CSMD1: variants seen among roughly 807,000 people sequenced by gnomAD.
The protein encoded by CSMD1 is CUB and sushi domain-containing protein 1.
In CSMD1, 213 loss-of-function variants were observed where a neutral mutation model predicts 417.5. The ratio of observed to expected loss-of-function variants is 0.51; its 90% confidence interval spans 0.46 to 0.57. The LOEUF (loss-of-function observed/expected upper bound fraction) is 0.57. Among genes scored for constraint, CSMD1 ranks in the 20% least tolerant of loss-of-function variants. The pLI is 0.00. For synonymous variants in CSMD1, 2,862 were observed against 1,736.8 expected (o/e 1.65, Z -16.11); for missense variants, 6,923 against 4,529.7 (o/e 1.53, Z -15.17).
intron 7 of CSMD1, among the ~76,000 whole-genome samples, chr8:3,669,874 A>G (rs576893622): frequency 6.6e-6 from 1 of 152,288 alleles, no homozygotes; most frequent in African/African-American, 2.4e-5. Context: ...CCAGGTGATG[A>G]TCAAGCACCT....
At chr8:3,075,267 CT>C (rs111915115) in intron 49 of CSMD1, among the ~76,000 whole-genome samples, 72,610 of 142,990 alleles carry the variant, frequency 0.51, 19,448 homozygotes, top group Non-Finnish European at 0.58. Flanking sequence ...TTTTTCTTTT[CT>C]TTTCTTTCTT....
rs1378249986 is a variant in CSMD1 at position 4,890,953 on chromosome 8, A to G, written c.85+103379T>C. Among the ~76,000 whole-genome samples, 5 of 152,132 alleles carry G rather than the reference A, an allele frequency of 3.3e-5. No homozygotes were observed. In the East Asian group the frequency reaches 7.7e-4, roughly 24 times the overall value. ...CGCAAAGGCAGAGAATCCAAGGGAA[A>G]GTATTGGTGGTGTTTGATTTCATAG... On this transcript the variant is annotated intron_variant, in intron 1 of 69. Transcript: ENST00000635120.
At chr8:3,969,692 G>C (rs1157090227) in intron 5 of CSMD1, among the ~76,000 whole-genome samples, 1 of 152,152 alleles carries the variant, frequency 6.6e-6, no homozygotes, top group Non-Finnish European at 1.5e-5. Flanking sequence ...AGTGGACATG[G>C]TTCACACACC....
chr8:4,385,099 G>A (rs1195787985), intron 3 of CSMD1, among the ~76,000 whole-genome samples: 1 of 152,116 alleles, frequency 6.6e-6, no homozygotes, highest in African/African-American at 2.4e-5. Context: ...GCTAATTTTT[G>A]TATTTTTAGA....
intron 10 of CSMD1, among the ~76,000 whole-genome samples, chr8:3,523,772 CAT>C (rs1424901172): frequency 1.3e-5 from 2 of 151,936 alleles, no homozygotes; most frequent in African/African-American, 4.8e-5. Flanking sequence ...CATGCACACA[CAT>C]GCACACCCAG....
chr8:3,731,768 A>G (rs1055179375), intron 6 of CSMD1, among the ~76,000 whole-genome samples: 1 of 152,132 alleles, frequency 6.6e-6, no homozygotes, highest in Non-Finnish European at 1.5e-5. Context: ...ACCAATATTA[A>G]TGGTAACAGC....
chr8:3,820,115 G>C (rs1801643185), intron 5 of CSMD1, among the ~76,000 whole-genome samples: 1 of 152,182 alleles, frequency 6.6e-6, no homozygotes, highest in African/African-American at 2.4e-5. Context: ...TGCACTGCTT[G>C]AATGCAGTAT....
intron 10 of CSMD1, among the ~76,000 whole-genome samples, chr8:3,510,035 C>T (rs1796997754): frequency 6.6e-6 from 1 of 152,184 alleles, no homozygotes; most frequent in Non-Finnish European, 1.5e-5. Context: ...TCCACTTCTC[C>T]CCTCTACATC....
At chr8:3,662,095 T>G (rs1041646816) in intron 7 of CSMD1, among the ~76,000 whole-genome samples, 6 of 152,044 alleles carry the variant, frequency 3.9e-5, no homozygotes, top group Admixed American at 3.9e-4. Context: ...AGGAGCATGC[T>G]TAAAGGGACA....
chr8:3,965,210 G>C (rs750060936), intron 5 of CSMD1, among the ~76,000 whole-genome samples: 3 of 152,134 alleles, frequency 2.0e-5, no homozygotes, highest in Non-Finnish European at 4.4e-5. Context: ...GGCGGAAGGA[G>C]GGGCTGAACT....
At chr8:3,647,246 G>C (rs10102617) in intron 7 of CSMD1, among the ~76,000 whole-genome samples, 1,814 of 152,292 alleles carry the variant, frequency 0.012, 47 homozygotes, top group African/African-American at 0.041. Flanking sequence ...CAAGGGATGA[G>C]TAACAACTCA....
In CSMD1 at chr8:3,367,303, C is replaced by CG. The variant is rs35870800; in HGVS notation, c.2900-57dup. The CG allele has an allele frequency of 3.3e-6, 4 of 1,226,022 alleles. No individual in the cohort carries two copies. In the African/African-American group the frequency reaches 4.5e-5, roughly 14 times the overall value. 75.9% of individuals were successfully genotyped at this position (1,226,022 alleles called of 1,614,324 possible). A position where few individuals can be genotyped will look rare whatever the true frequency, so the allele number is the denominator to read the frequency against. ...AGACAGAGAGAGACACACGGGGCGG[C>CG]GGGGGCAGAGAGGGAGCGGGGCAGA... is the stretch of plus-strand genomic sequence containing the variant. On this transcript the variant is annotated intron_variant, in intron 19 of 69. Coordinates refer to ENST00000635120, the MANE Select transcript of CSMD1 (RefSeq NM_033225.6).
chr8:4,756,227 A>C (rs1811659771), intron 1 of CSMD1, among the ~76,000 whole-genome samples: 1 of 152,348 alleles, frequency 6.6e-6, no homozygotes, highest in South Asian at 2.1e-4. Flanking sequence ...ATAGGGCATC[A>C]TGATGATGAA....
chr8:3,904,549 T>A (rs921635035), intron 5 of CSMD1, among the ~76,000 whole-genome samples: 1 of 152,196 alleles, frequency 6.6e-6, no homozygotes, highest in African/African-American at 2.4e-5. Context: ...AGCTGTTGTA[T>A]GTGAAACACA....
chr8:4,407,337 C>T (rs1805100498), intron 3 of CSMD1, among the ~76,000 whole-genome samples: 1 of 152,090 alleles, frequency 6.6e-6, no homozygotes, highest in South Asian at 2.1e-4. Context: ...AAAACATATA[C>T]AATAACTTTT....
intron 3 of CSMD1, among the ~76,000 whole-genome samples, chr8:4,195,371 C>A (rs1186905992): frequency 6.6e-6 from 1 of 152,104 alleles, no homozygotes; most frequent in East Asian, 1.9e-4. Context: ...ATTGGATCTT[C>A]TATAACATTT....
At chr8:4,682,653 G>C (rs1334421735) in intron 1 of CSMD1, among the ~76,000 whole-genome samples, 1 of 151,676 alleles carries the variant, frequency 6.6e-6, no homozygotes, top group African/African-American at 2.4e-5. Context: ...TTGGATTTTA[G>C]GATATTACAG....
intron 5 of CSMD1, among the ~76,000 whole-genome samples, chr8:3,870,503 G>A (rs992428346): frequency 6.6e-6 from 1 of 152,012 alleles, no homozygotes; most frequent in Non-Finnish European, 1.5e-5. Flanking sequence ...TAATGTCTAA[G>A]AAAAATTTAC....
intron 26 of CSMD1, among the ~76,000 whole-genome samples, chr8:3,262,837 T>C (rs1444580076): frequency 6.6e-6 from 1 of 152,220 alleles, no homozygotes; most frequent in Non-Finnish European, 1.5e-5. Context: ...TTCTACAATC[T>C]ACAAAAATGT....
Sources: gnomAD v4.1 joint callset for allele counts (sites outside exome capture counted in the v4.1 genomes callset) on GRCh38, gnomAD v4.1.1 for gene constraint, MANE v1.5 for transcripts, NCBI Gene and HGNC (gene_info 2026-07-23, HGNC 2026-07-21) for gene names.